The following FHOD3 variants were observed in gnomAD, a reference collection of about 807,000 sequenced individuals.
FHOD3 encodes the protein FH1/FH2 domain-containing protein 3.
Under a neutral mutation model 173.0 loss-of-function variants are expected in FHOD3, and 90 were observed. The observed-to-expected ratio is 0.52, with a 90% CI of 0.44 to 0.62. The LOEUF is 0.62. Ranked by LOEUF, FHOD3 falls within the 20% of genes least tolerant of loss-of-function variation. The pLI is 0.00. For missense variants in FHOD3, 1,945 were observed against 2,034.7 expected (o/e 0.96, Z 0.85); for synonymous variants, 828 against 823.0 (o/e 1.01, Z -0.10).
At chr18:36,332,811 C>T (rs1598741434) in intron 1 of FHOD3, among the ~76,000 whole-genome samples, 2 of 152,150 alleles carry the variant, frequency 1.3e-5, no homozygotes, top group South Asian at 2.1e-4. Context: ...CTGCCTGGGC[C>T]CCAGCCATAG....
chr18:36,335,451 C>T lies in FHOD3; in HGVS notation c.166-20088C>T, dbSNP rs370797937. 9.9e-3 allele frequency among the ~76,000 whole-genome samples: 1,488 copies of T among 150,034 alleles called. 18 individuals are homozygous for T. The highest frequency in any genetic ancestry group is 0.034 in the African/African-American group (1,390 of 40,538). On this transcript the variant is annotated intron_variant, in intron 1 of 28. Coordinates refer to ENST00000590592, the MANE Select transcript of FHOD3 (RefSeq NM_001281740.3). ...CAGAGCTTGCAGTGAGCCGAGATCG[C>T]GCCACTGCACTCCAGCCTGGGCGAC...
At chr18:36,418,270 A>G (rs2049781255) in intron 3 of FHOD3, among the ~76,000 whole-genome samples, 1 of 152,210 alleles carries the variant, frequency 6.6e-6, no homozygotes, top group African/African-American at 2.4e-5. Flanking sequence ...TCACATTTTC[A>G]TGTACTCTGA....
At chr18:36,770,100 CA>C (rs2043312539) in intron 28 of FHOD3, among the ~76,000 whole-genome samples, 1 of 152,180 alleles carries the variant, frequency 6.6e-6, no homozygotes, top group Non-Finnish European at 1.5e-5. Flanking sequence ...GACAGTGCTC[CA>C]TAGGGAAACA....
intron 5 of FHOD3, among the ~76,000 whole-genome samples, chr18:36,542,964 G>T (rs1172446704): frequency 3.3e-5 from 5 of 152,190 alleles, no homozygotes; most frequent in African/African-American, 9.7e-5. Context: ...TTCTGTGGGG[G>T]TGTTTTTGGA....
At chr18:36,374,635 T>C (rs2047347342) in intron 3 of FHOD3, among the ~76,000 whole-genome samples, 1 of 152,242 alleles carries the variant, frequency 6.6e-6, no homozygotes, top group Non-Finnish European at 1.5e-5. Context: ...CTACTCTTCA[T>C]AAGCATCTTC....
intron 3 of FHOD3, among the ~76,000 whole-genome samples, chr18:36,481,024 T>G (rs1346839338): frequency 2.1e-5 from 1 of 47,816 alleles, no homozygotes; most frequent in Non-Finnish European, 5.2e-5. Flanking sequence ...GAGGTGGTTT[T>G]TTTTTTTTTT....
intron 4 of FHOD3, 95 bp downstream of exon 4, chr18:36,502,094 G>A: frequency 1.5e-6 from 1 of 673,982 alleles, no homozygotes; most frequent in South Asian, 2.6e-5. Context: ...GAAAAGGAAG[G>A]ACAAATTTAG....
At chr18:36,599,819 AT>A (rs2031078603) in intron 7 of FHOD3, among the ~76,000 whole-genome samples, 1 of 152,130 alleles carries the variant, frequency 6.6e-6, no homozygotes, top group South Asian at 2.1e-4. Flanking sequence ...AGCTACTGAT[AT>A]TTGAGTATCT....
At chr18:36,513,626 C>T (rs2055784623) in intron 5 of FHOD3, among the ~76,000 whole-genome samples, 2 of 152,098 alleles carry the variant, frequency 1.3e-5, no homozygotes, top group Admixed American at 1.3e-4. Context: ...CAAACTGACA[C>T]AGTCATCTCA....
chr18:36,741,747 G>A (rs1381855736), intron 21 of FHOD3, among the ~76,000 whole-genome samples: 3 of 150,102 alleles, frequency 2.0e-5, no homozygotes, highest in East Asian at 2.0e-4. Context: ...CTCTAGCCTG[G>A]GCAACAGAGT....
chr18:36,757,271 T>C (rs2042669845), intron 25 of FHOD3, among the ~76,000 whole-genome samples: 2 of 152,226 alleles, frequency 1.3e-5, no homozygotes, highest in South Asian at 4.1e-4. Flanking sequence ...TCCATGTTTT[T>C]AATGGCCAAA....
chr18:36,327,554 C>T (rs2044737620), intron 1 of FHOD3, among the ~76,000 whole-genome samples: 1 of 152,232 alleles, frequency 6.6e-6, no homozygotes, highest in Non-Finnish European at 1.5e-5. Context: ...AGAAGAAGAG[C>T]ATCAGAGAAG....
At chr18:36,649,177 T>TG in intron 10 of FHOD3, 139 bp from the exon 11 acceptor site, 1 of 557,384 alleles carries the variant, frequency 1.8e-6, no homozygotes, top group South Asian at 2.4e-5. Context: ...GCCAGCTGGG[T>TG]GGTTTTTTTT....
intron 5 of FHOD3, among the ~76,000 whole-genome samples, chr18:36,520,927 G>A (rs2056241837): frequency 6.6e-6 from 1 of 152,176 alleles, no homozygotes; most frequent in Non-Finnish European, 1.5e-5. Flanking sequence ...GACTTTTCCA[G>A]AGGAGCTGCT....
chr18:36,777,650 T>C (rs1385080584), intron 28 of FHOD3: 2 of 152,216 alleles, frequency 1.3e-5, no homozygotes, highest in Non-Finnish European at 2.9e-5. Context: ...TAAAAGGTTA[T>C]TACAAACTAG....
intron 3 of FHOD3, among the ~76,000 whole-genome samples, chr18:36,394,464 C>T (rs189068857): frequency 1.1e-4 from 17 of 152,254 alleles, no homozygotes; most frequent in Middle Eastern, 3.4e-3. Flanking sequence ...ATCCCCACCC[C>T]GCAGCACTAG....
At chr18:36,423,752 G>T (rs539544389) in intron 3 of FHOD3, among the ~76,000 whole-genome samples, 92 of 152,174 alleles carry the variant, frequency 6.0e-4, no homozygotes, top group Non-Finnish European at 9.9e-4. Context: ...CTGATACGTG[G>T]GTTTTTTACT....
chr18:36,438,517 C>T (rs1017633018), intron 3 of FHOD3, among the ~76,000 whole-genome samples: 1 of 152,178 alleles, frequency 6.6e-6, no homozygotes, highest in Non-Finnish European at 1.5e-5. Flanking sequence ...CCCCTCCTGC[C>T]TGTACTTCTG....
chr18:36,342,308 T>C (rs1040118225), intron 1 of FHOD3, among the ~76,000 whole-genome samples: 1 of 151,738 alleles, frequency 6.6e-6, no homozygotes, highest in Non-Finnish European at 1.5e-5. Context: ...ATTTGAAGAG[T>C]TAATGGCCAA....
Sources: allele counts gnomAD v4.1 joint callset (sites outside exome capture counted in the v4.1 genomes callset), GRCh38; gene constraint gnomAD v4.1.1; transcripts MANE v1.5; gene names NCBI Gene and HGNC (gene_info 2026-07-23, HGNC 2026-07-21).